Variants in NISCH observed in about 807,000 individuals in gnomAD.
The protein encoded by NISCH is nischarin.
A neutral mutation model predicts 138.4 loss-of-function variants in NISCH; 55 were observed. The ratio of observed to expected loss-of-function variants is 0.40; its 90% CI spans 0.32 to 0.50. The LOEUF (loss-of-function observed/expected upper bound fraction) is 0.50, where lower values mean the gene tolerates loss of function less well. Among genes scored for constraint, NISCH ranks in the 20% least tolerant of loss-of-function variants. The pLI, the probability that NISCH is intolerant of heterozygous loss-of-function variation, is 0.71. For missense variants in NISCH, 1,643 were observed against 2,005.5 expected (o/e 0.82, Z 3.45); for synonymous variants, 860 against 861.5 (o/e 1.00, Z 0.03).
intron 9 of NISCH, 72 bp downstream of exon 9, chr3:52,477,714 C>A: frequency 1.5e-6 from 2 of 1,340,318 alleles, no homozygotes; most frequent in Non-Finnish European, 2.1e-6. Context: ...AGGAGACTGA[C>A]GCAGCCTTGG....
At chr3:52,463,744 G>A (rs1164489945) in intron 3 of NISCH, among the ~76,000 whole-genome samples, 1 of 98,062 alleles carries the variant, frequency 1.0e-5, no homozygotes, top group African/African-American at 4.0e-5. Context: ...TTTTTTCTGA[G>A]ACAGAGTCTC....
intron 4 of NISCH, 41 bp downstream of exon 4, chr3:52,470,948 T>A (rs1205822081): frequency 2.5e-6 from 4 of 1,605,920 alleles, no homozygotes; most frequent in Non-Finnish European, 2.6e-6. Flanking sequence ...GCATAAGTTG[T>A]GTAGTTTTAT....
intron 19 of NISCH, 144 bp downstream of exon 19, chr3:52,490,977 G>A: frequency 8.3e-7 from 1 of 1,204,230 alleles, no homozygotes; most frequent in South Asian, 1.4e-5. Context: ...GGAGGAAGCA[G>A]CTTCAGGAAC....
rs1017616479 is a variant in NISCH at position 52,466,896 on chromosome 3, G to A, written c.361-3963G>A. 3.3e-5 allele frequency among the ~76,000 whole-genome samples: 5 copies of A among 152,144 alleles called. No homozygotes were observed. The East Asian group carries it at 5.8e-4, about 18-fold the overall frequency. ...CGGCTACACACCAACACAGAATCCC[G>A]GCAGGTGGTGGGCAGGTGGTGCGGC... On this transcript the variant is annotated intron_variant, in intron 3 of 20. Transcript: ENST00000345716.
Position 52,468,754 on chromosome 3 carries a change from A to T in NISCH, c.361-2105A>T, listed in dbSNP as rs181773176. Among the ~76,000 whole-genome samples, 387 of 152,192 alleles carry T rather than the reference A, an allele frequency of 2.5e-3. 1 individual carries two copies. Among genetic ancestry groups the T allele is most frequent in the African/African-American group, 9.1e-3 (378 of 41,508 alleles). ...GCTCCCTTTGCTTTTTGTCCACGGGATACAGGGAGGAGTTATTCTCGTGCT... is the reference window on the plus strand; with the variant it reads ...GCTCCCTTTGCTTTTTGTCCACGGGTTACAGGGAGGAGTTATTCTCGTGCT... On this transcript the variant is annotated intron_variant, in intron 3 of 20. Transcript: ENST00000345716.
intron 6 of NISCH, 67 bp from the exon 7 acceptor site, chr3:52,473,667 C>T: frequency 8.7e-7 from 1 of 1,154,964 alleles, no homozygotes; most frequent in South Asian, 1.4e-5. Flanking sequence ...GTAGGAAACA[C>T]CTGCATCTGG....
chr3:52,468,818 C>T (rs1259523360), intron 3 of NISCH, among the ~76,000 whole-genome samples: 1 of 152,002 alleles, frequency 6.6e-6, no homozygotes, highest in Non-Finnish European at 1.5e-5. Context: ...AATGAATAAA[C>T]ACATTTTTTA....
At chr3:52,478,416 G>A (rs1288215905) in intron 10 of NISCH, 33 bp from the exon 11 acceptor site, 1 of 1,613,524 alleles carries the variant, frequency 6.2e-7, no homozygotes, top group Non-Finnish European at 8.5e-7. Flanking sequence ...GTTAAGAGAA[G>A]GGACCAAAGG....
chr3:52,480,104 G>T (rs1027823823), intron 12 of NISCH, 80 bp from the exon 13 acceptor site: 57 of 1,515,284 alleles, frequency 3.8e-5, no homozygotes, highest in Non-Finnish European at 4.7e-5. Context: ...GAACCGTTGC[G>T]CTCCCTCCTC....
At chr3:52,474,409 G>A (rs1169707305) in intron 7 of NISCH, among the ~76,000 whole-genome samples, 1 of 151,954 alleles carries the variant, frequency 6.6e-6, no homozygotes, top group East Asian at 1.9e-4. Flanking sequence ...CCATTCTCCT[G>A]CCTCAGCCTC....
In NISCH at chr3:52,492,059, C is replaced by G; in HGVS notation, c.4092C>G (p.Cys1364Trp). Reference sequence around the variant, plus strand: ...TGGGCATGCCACCCCCTGGGTGCTGCAGGGGCCCCCTGCGCCCCAAGACAC... The same window carrying G: ...TGGGCATGCCACCCCCTGGGTGCTGGAGGGGCCCCCTGCGCCCCAAGACAC... The part of the protein sequence containing the change: ...FQVGMPPPGC[C>W]RGPLRPKTLL... The change falls in exon 21 of 21, where the codon TGC becomes TGG. Residue 1364 changes from cysteine to tryptophan, a missense_variant. Physicochemically the swap from Cys to Trp is radical, Grantham distance 215 (BLOSUM62 -2). Transcript: ENST00000345716. 1 of 1,613,086 alleles carries G rather than the reference C, an allele frequency of 6.2e-7. No homozygotes were observed. Among genetic ancestry groups the G allele is most frequent in the Non-Finnish European group, 8.5e-7 (1 of 1,179,960 alleles).
At chr3:52,466,625 A>G (rs1314896029) in intron 3 of NISCH, among the ~76,000 whole-genome samples, 1 of 151,548 alleles carries the variant, frequency 6.6e-6, no homozygotes, top group Non-Finnish European at 1.5e-5. Context: ...TGTCTCAGCC[A>G]CACTTGGGGA....
Position 52,487,181 on chromosome 3 carries a change from C to A in NISCH, c.1704-15C>A. The stretch of plus-strand genomic sequence containing the variant: ...CCCTCCCAGCATGCCACTGACCTGG[C>A]CTCTCCCTGCACAGCCCAGAACATG... On this transcript the variant is annotated splice_polypyrimidine_tract_variant and intron_variant, in intron 15 of 20. Coordinates refer to ENST00000345716, the MANE Select transcript of NISCH (RefSeq NM_007184.4). This position sits in a 1 kb window ranked among gnomAD's most constrained non-coding sequence, Gnocchi z 9.1. The A allele has an allele frequency of 1.2e-6, 2 of 1,603,856 alleles. No individual in the cohort carries two copies. The highest frequency in any genetic ancestry group is 1.7e-6 in the Non-Finnish European group (2 of 1,173,342).
intron 4 of NISCH, chr3:52,471,548 C>T (rs1706946470): frequency 3.6e-6 from 2 of 556,216 alleles, no homozygotes; most frequent in South Asian, 4.3e-5. Context: ...TGCCTTTGGT[C>T]TCGACTCGGC....
rs79421718 is a variant in NISCH at position 52,462,353 on chromosome 3, C to G, written c.360+3509C>G. On this transcript the variant is annotated intron_variant, in intron 3 of 20. Coordinates refer to ENST00000345716, the MANE Select transcript of NISCH (RefSeq NM_007184.4). Reference sequence around the variant, plus strand: ...ACCCACTGGATGCCAGTAGCACTTCCCCACCCAGCTATGGCAACTAAAGAT... The same window carrying G: ...ACCCACTGGATGCCAGTAGCACTTCGCCACCCAGCTATGGCAACTAAAGAT... Among the ~76,000 whole-genome samples, 1,136 of 152,328 alleles carry G rather than the reference C, an allele frequency of 7.5e-3. 3 individuals carry two copies. Among genetic ancestry groups the G allele is most frequent in the South Asian group, 0.026 (127 of 4,830 alleles).
At chr3:52,456,845 G>A (rs1317982059) in intron 1 of NISCH, among the ~76,000 whole-genome samples, 1 of 152,240 alleles carries the variant, frequency 6.6e-6, no homozygotes, top group Non-Finnish European at 1.5e-5. Flanking sequence ...AGGTGCAGGA[G>A]GCGGGTGAGG....
chr3:52,474,749 G>T (rs187829724), intron 7 of NISCH, among the ~76,000 whole-genome samples: 1 of 152,072 alleles, frequency 6.6e-6, no homozygotes, highest in African/African-American at 2.4e-5. Context: ...GTTTTTTAAT[G>T]AACAAATTGC....
chr3:52,478,867 T>C (rs975705433), intron 11 of NISCH, among the ~76,000 whole-genome samples: 2 of 152,184 alleles, frequency 1.3e-5, no homozygotes, highest in Non-Finnish European at 2.9e-5. Flanking sequence ...CCATAGTGCC[T>C]GACTGTAAAC....
rs1231922868 is a variant in NISCH, at chr3:52,487,350, G to C, written c.1858G>C (p.Ala620Pro). The C allele has an allele frequency of 6.2e-7, 1 of 1,614,124 alleles. No individual in the cohort carries two copies. The highest frequency in any genetic ancestry group is 8.5e-7 in the Non-Finnish European group (1 of 1,180,042). The change falls in exon 16 of 21, where the codon GCC becomes CCC. Residue 620 changes from alanine (A) to proline (P), a missense_variant. By Grantham distance (27) the Ala-to-Pro change is conservative (BLOSUM62 -1). Transcript: ENST00000345716. The surrounding 1 kb of genome is among the most constrained non-coding windows in gnomAD (Gnocchi z 9.1). ...IRQAIERQLP[A>P]WIEAANQREE... The stretch of plus-strand genomic sequence containing the variant: ...GCAGGCCATCGAGCGGCAGCTGCCT[G>C]CCTGGATCGAGGCTGCCAACCAGCG...
Sources: allele counts gnomAD v4.1 joint callset (sites outside exome capture counted in the v4.1 genomes callset), GRCh38; gene constraint gnomAD v4.1.1; non-coding constraint Gnocchi (gnomAD v3.1); transcripts MANE v1.5; gene names NCBI Gene and HGNC (gene_info 2026-07-23, HGNC 2026-07-21).